WBP2NL: variants seen among roughly 807,000 people sequenced by gnomAD.
WBP2NL encodes WBP2 N-terminal like, also known as postacrosomal sheath WW domain-binding protein.
WBP2NL carries 27 observed loss-of-function variants against 23.3 expected under a neutral mutation model. The ratio of observed to expected loss-of-function variants is 1.16; its 90% CI spans 0.85 to 1.60. WBP2NL has a LOEUF of 1.60. Ranked by LOEUF, WBP2NL falls within the 40% of genes most tolerant of loss-of-function variation. The probability of loss-of-function intolerance (pLI) is 0.00; values close to 1 mark genes in which losing one functional copy is unlikely to be tolerated. For synonymous variants in WBP2NL, 151 were observed against 145.9 expected (o/e 1.03, Z -0.25); for missense variants, 370 against 389.5 (o/e 0.95, Z 0.42).
chr22:42,044,019 G>A (rs999201699), intron 8 of WBP2NL, among the ~76,000 whole-genome samples: 2 of 152,198 alleles, frequency 1.3e-5, no homozygotes, highest in Admixed American at 6.5e-5. Flanking sequence ...GAGCCACCTC[G>A]CCCGCCCTGC....
rs532046230 is a variant in WBP2NL at position 42,012,853 on chromosome 22, G to A, written c.63-6458G>A. Among the ~76,000 whole-genome samples the A allele has an allele frequency of 5.3e-5, 8 of 152,054 alleles. No homozygotes were observed. The South Asian group carries it at 8.3e-4, about 16-fold the overall frequency. On this transcript the variant is annotated intron_variant, in intron 1 of 5. Coordinates refer to ENST00000328823, the MANE Select transcript of WBP2NL (RefSeq NM_152613.3). ...TAAAAATGCAAAAAATTAGTTGGGC[G>A]TGGTGGCACGCACCTGTAGTCCCAG... is the stretch of plus-strand genomic sequence containing the variant.
rs187789334 is a variant in WBP2NL at position 42,021,108 on chromosome 22, C to T, written c.406+1012C>T. On this transcript the variant is annotated intron_variant, in intron 4 of 5. Transcript: ENST00000328823. ...CTAATTTTTGTATTTTTAGTAGAGA[C>T]GGGGTTTCACCATGTTGGTCAGGCT... 4.7e-3 allele frequency among the ~76,000 whole-genome samples: 709 copies of T among 150,320 alleles called. 7 individuals are homozygous for T. The highest frequency in any genetic ancestry group is 0.016 in the African/African-American group (674 of 40,888).
At position 42,005,046 on chromosome 22, in the gene WBP2NL, G is replaced by A. The variant is rs371064807; in HGVS notation, c.62+6166G>A. On this transcript the variant is annotated intron_variant, in intron 1 of 5. Coordinates refer to ENST00000328823, the MANE Select transcript of WBP2NL (RefSeq NM_152613.3). ...AGCCTGACCAACATGATGAAACCCCGTCTCTACTAAAAATAAAAAAATTAG... is the reference window on the plus strand; with the variant it reads ...AGCCTGACCAACATGATGAAACCCCATCTCTACTAAAAATAAAAAAATTAG... Among the ~76,000 whole-genome samples the A allele has an allele frequency of 1.4e-4, 21 of 150,340 alleles. No individual in the cohort carries two copies. The East Asian group carries it at 2.8e-3, about 20-fold the overall frequency.
At chr22:42,055,975 G>A (rs1300557125) in intron 8 of WBP2NL, among the ~76,000 whole-genome samples, 1 of 151,456 alleles carries the variant, frequency 6.6e-6, no homozygotes, top group East Asian at 1.9e-4. Context: ...GTGTGCACTT[G>A]GGTGTGTATC....
intron 1 of WBP2NL, among the ~76,000 whole-genome samples, chr22:42,014,678 C>T (rs138160754): frequency 6.8e-4 from 104 of 152,152 alleles, no homozygotes; most frequent in African/African-American, 2.4e-3. Context: ...AGGTAGTAAC[C>T]GTTATTCCCA....
intron 8 of WBP2NL, among the ~76,000 whole-genome samples, chr22:42,041,661 AAATTT>A (rs1925404155): frequency 6.6e-6 from 1 of 152,010 alleles, no homozygotes; most frequent in African/African-American, 2.4e-5. Context: ...CTCTATTACC[AAATTT>A]TTTTGGTTAT....
intron 4 of WBP2NL, among the ~76,000 whole-genome samples, chr22:42,021,789 C>CTTTTTTTTTTTTT (rs11413615): frequency 7.5e-6 from 1 of 132,680 alleles, no homozygotes; most frequent in Admixed American, 7.8e-5. Flanking sequence ...TTCTTTCTTT[C>CTTTTTTTTTTTTT]TTTTTTTTTT....
intron 8 of WBP2NL, among the ~76,000 whole-genome samples, chr22:42,046,303 T>G (rs1569454559): frequency 6.6e-6 from 1 of 152,226 alleles, no homozygotes; most frequent in Non-Finnish European, 1.5e-5. Flanking sequence ...GTTTCTAAAT[T>G]TCCTAGATTG....
At chr22:42,021,493 A>G (rs1053135093) in intron 4 of WBP2NL, among the ~76,000 whole-genome samples, 2 of 152,172 alleles carry the variant, frequency 1.3e-5, no homozygotes, top group African/African-American at 4.8e-5. Context: ...TGAGATGACA[A>G]GATTACCCTA....
At chr22:42,008,106 C>G (rs983219248) in intron 1 of WBP2NL, among the ~76,000 whole-genome samples, 1 of 117,734 alleles carries the variant, frequency 8.5e-6, no homozygotes, top group Non-Finnish European at 1.9e-5. Flanking sequence ...CCTTTCCTTT[C>G]CTTTCCTTTC....
Position 42,019,738 on chromosome 22 carries a change from TC to T in WBP2NL, c.249del (p.Thr84LeufsTer32). On this transcript the variant is annotated frameshift_variant, in exon 3 of 6. Coordinates refer to ENST00000328823, the MANE Select transcript of WBP2NL (RefSeq NM_152613.3). LOFTEE classifies it high-confidence loss of function. ...FMMPFDLMTN[L>X]TVEQPVFAAN... ...ATGCCATTTGATCTGATGACGAACC[TC>T]ACTGTTGAACAACCAGTATTTGCTG... The T allele has an allele frequency of 5.0e-6, 8 of 1,614,220 alleles. No homozygotes were observed. Among genetic ancestry groups the T allele is most frequent in the Non-Finnish European group, 6.8e-6 (8 of 1,180,032 alleles).
chr22:42,006,221 CTT>C (rs58669161), intron 1 of WBP2NL, among the ~76,000 whole-genome samples: 88 of 139,486 alleles, frequency 6.3e-4, no homozygotes, highest in Non-Finnish European at 8.1e-4. Context: ...GTTTCCCAAT[CTT>C]TTTTTTTTTT....
chr22:42,023,741 C>G (rs545093226), intron 5 of WBP2NL, among the ~76,000 whole-genome samples: 1 of 152,004 alleles, frequency 6.6e-6, no homozygotes, highest in Non-Finnish European at 1.5e-5. Context: ...GTGATCCGCC[C>G]GCCTCAGCCT....
chr22:42,007,338 G>A (rs1189954243), intron 1 of WBP2NL, among the ~76,000 whole-genome samples: 1 of 152,140 alleles, frequency 6.6e-6, no homozygotes, highest in Admixed American at 6.5e-5. Context: ...GGGGAATTGT[G>A]AGGTCAGAGG....
chr22:41,999,713 G>A (rs1008559559), intron 1 of WBP2NL, among the ~76,000 whole-genome samples: 1 of 152,156 alleles, frequency 6.6e-6, no homozygotes. Context: ...GCTGCAGTGA[G>A]CTCAGATTGT....
chr22:42,040,428 C>T (rs1036997304), intron 8 of WBP2NL, among the ~76,000 whole-genome samples: 6 of 151,994 alleles, frequency 3.9e-5, no homozygotes, highest in East Asian at 1.9e-4. Context: ...TCACCATGTT[C>T]GCCAGGCTAG....
chr22:42,021,357 G>A (rs941773320), intron 4 of WBP2NL, among the ~76,000 whole-genome samples: 2 of 152,178 alleles, frequency 1.3e-5, no homozygotes, highest in African/African-American at 4.8e-5. Context: ...ACATGCCATA[G>A]GCAAAACTCA....
At chr22:42,022,424 CT>C in intron 5 of WBP2NL, 68 bp downstream of exon 5, 1 of 1,356,928 alleles carries the variant, frequency 7.4e-7, no homozygotes, top group Non-Finnish European at 1.0e-6. Flanking sequence ...AGATCTATCC[CT>C]TGCAGGCTTG....
intron 1 of WBP2NL, among the ~76,000 whole-genome samples, chr22:42,010,546 T>C (rs1602446247): frequency 6.6e-6 from 1 of 152,304 alleles, no homozygotes; most frequent in East Asian, 1.9e-4. Flanking sequence ...TTCTTTTTTT[T>C]CTTTTTTTTT....
Sources: allele counts gnomAD v4.1 joint callset (sites outside exome capture counted in the v4.1 genomes callset), GRCh38; gene constraint gnomAD v4.1.1; transcripts MANE v1.5; gene names NCBI Gene and HGNC (gene_info 2026-07-23, HGNC 2026-07-21).